CRYBG1: variants seen among roughly 807,000 people sequenced by gnomAD.
The protein encoded by CRYBG1 is crystallin beta-gamma domain containing 1, also known as beta/gamma crystallin domain-containing protein 1.
In CRYBG1, 139 loss-of-function variants were observed where a neutral mutation model predicts 189.2. The observed-to-expected ratio is 0.73, with a 90% CI of 0.64 to 0.85. CRYBG1 has a LOEUF of 0.85. CRYBG1 is among the 40% of genes least tolerant of loss of function. The pLI, the probability that CRYBG1 is intolerant of heterozygous loss-of-function variation, is 0.00. For missense variants in CRYBG1, 2,611 were observed against 2,675.8 expected (o/e 0.98, Z 0.53); for synonymous variants, 1,023 against 1,017.1 (o/e 1.01, Z -0.11).
At chr6:106,466,626 A>G (rs1272904854) in intron 2 of CRYBG1, among the ~76,000 whole-genome samples, 1 of 152,360 alleles carries the variant, frequency 6.6e-6, no homozygotes, top group South Asian at 2.1e-4. Context: ...AACTAATTTT[A>G]TTTATGAATA....
At chr6:106,380,932 C>T (rs1040302322) in intron 1 of CRYBG1, among the ~76,000 whole-genome samples, 1 of 152,136 alleles carries the variant, frequency 6.6e-6, no homozygotes, top group African/African-American at 2.4e-5. Flanking sequence ...ATGTTTCAAA[C>T]TCCTTCTGAG....
intron 2 of CRYBG1, among the ~76,000 whole-genome samples, chr6:106,470,474 G>A (rs1562315881): frequency 6.6e-6 from 1 of 152,130 alleles, no homozygotes; most frequent in East Asian, 1.9e-4. Flanking sequence ...TTGGGAGGCT[G>A]AGGCAGGGAA....
intron 1 of CRYBG1, among the ~76,000 whole-genome samples, chr6:106,380,491 G>C (rs1208152998): frequency 6.6e-6 from 1 of 152,158 alleles, no homozygotes; most frequent in African/African-American, 2.4e-5. Context: ...AGAGAGGAGA[G>C]TGTGATTAGG....
intron 3 of CRYBG1, among the ~76,000 whole-genome samples, chr6:106,515,889 G>A (rs1280005433): frequency 6.6e-6 from 1 of 150,652 alleles, no homozygotes; most frequent in Non-Finnish European, 1.5e-5. Flanking sequence ...ACCTCCCCCG[G>A]CTCAGGTGAT....
chr6:106,368,675 G>T (rs1769955289), intron 1 of CRYBG1, among the ~76,000 whole-genome samples: 1 of 152,126 alleles, frequency 6.6e-6, no homozygotes, highest in Non-Finnish European at 1.5e-5. Flanking sequence ...CTTGCTTAGT[G>T]CTGCCTTTAC....
Position 106,570,758 on chromosome 6 carries a change from T to G in CRYBG1, c.*2192T>G, listed in dbSNP as rs1182914510. On this transcript the variant is annotated 3_prime_UTR_variant, in exon 22 of 22. Coordinates refer to ENST00000633556, the MANE Select transcript of CRYBG1 (RefSeq NM_001371242.2). ...GGTATTTACACCTGGAAAATCAGATTTTTTTTTCTTTTGCAATAACTCGGT... is the reference window on the plus strand; with the variant it reads ...GGTATTTACACCTGGAAAATCAGATGTTTTTTTCTTTTGCAATAACTCGGT... The G allele has an allele frequency of 6.6e-6, 1 of 152,062 alleles. No individual in the cohort carries two copies. Among genetic ancestry groups the G allele is most frequent in the Non-Finnish European group, 1.5e-5 (1 of 68,004 alleles). The allele number at this position is 152,062 out of a possible 1,614,324, so 9.4% of individuals were successfully genotyped here.
rs145274527 is a variant in CRYBG1, at chr6:106,469,042, C to T, written c.312+17210C>T. On this transcript the variant is annotated intron_variant, in intron 2 of 21. Coordinates refer to ENST00000633556, the MANE Select transcript of CRYBG1 (RefSeq NM_001371242.2). ...TTCCATTTCTCTGTGGTTTTACAGG[C>T]CCTGCGTGGCCTGGCTCCTGCCCCT... Among the ~76,000 whole-genome samples the T allele has an allele frequency of 7.5e-4, 114 of 152,332 alleles. 1 individual carries two copies. Among genetic ancestry groups the T allele is most frequent in the African/African-American group, 2.6e-3 (108 of 41,566 alleles).
intron 13 of CRYBG1, among the ~76,000 whole-genome samples, chr6:106,547,900 T>C (rs1287201669): frequency 6.6e-6 from 1 of 152,248 alleles, no homozygotes; most frequent in African/African-American, 2.4e-5. Context: ...TCTAGTTCTA[T>C]GCTATATTCT....
chr6:106,504,894 T>A (rs1420951424), intron 2 of CRYBG1, among the ~76,000 whole-genome samples: 1 of 151,624 alleles, frequency 6.6e-6, no homozygotes, highest in African/African-American at 2.4e-5. Context: ...CATGGGAAAA[T>A]ACAATTTTAA....
intron 1 of CRYBG1, among the ~76,000 whole-genome samples, chr6:106,365,194 G>A (rs1771960633): frequency 6.6e-6 from 1 of 152,046 alleles, no homozygotes; most frequent in Non-Finnish European, 1.5e-5. Flanking sequence ...TTTAGGAGGT[G>A]GAGGCGGGTG....
chr6:106,533,763 G>A (rs35233644), intron 8 of CRYBG1, among the ~76,000 whole-genome samples: 17,666 of 152,184 alleles, frequency 0.12, 1,123 homozygotes, highest in Non-Finnish European at 0.15. Flanking sequence ...GTGAGATTCA[G>A]GAGCTCAGTT....
intron 2 of CRYBG1, among the ~76,000 whole-genome samples, chr6:106,469,184 T>C (rs894416168): frequency 2.6e-5 from 4 of 152,222 alleles, no homozygotes; most frequent in Non-Finnish European, 5.9e-5. Context: ...TATTACCTAT[T>C]GGCTCTGCCT....
At chr6:106,550,040 T>C (rs1774361017) in intron 13 of CRYBG1, among the ~76,000 whole-genome samples, 1 of 152,170 alleles carries the variant, frequency 6.6e-6, no homozygotes, top group Non-Finnish European at 1.5e-5. Flanking sequence ...CAATAGTCGA[T>C]TGTGTCACCC....
At chr6:106,382,303 A>T (rs1361519962) in intron 1 of CRYBG1, among the ~76,000 whole-genome samples, 3 of 152,220 alleles carry the variant, frequency 2.0e-5, no homozygotes, top group African/African-American at 7.2e-5. Context: ...TACACGGGGA[A>T]TCTGATTTAT....
chr6:106,491,425 T>G (rs892247682), intron 2 of CRYBG1, among the ~76,000 whole-genome samples: 1 of 152,190 alleles, frequency 6.6e-6, no homozygotes, highest in African/African-American at 2.4e-5. Flanking sequence ...AGGGCTGAGA[T>G]AGAGCATAGA....
In CRYBG1 at chr6:106,512,350, G is replaced by A; in HGVS notation, c.1233G>A (p.Lys411=). Residue 411 remains lysine, a synonymous_variant, in exon 3 of 22, where the codon AAG becomes AAA. Coordinates refer to ENST00000633556, the MANE Select transcript of CRYBG1 (RefSeq NM_001371242.2). ...EDCGDWDDME[K]RSSGRRSGRR... ...GCGGTGACTGGGACGACATGGAGAA[G>A]AGGTCCAGCGGCCGTAGGTCGGGGA... 2 of 1,611,348 alleles carry A rather than the reference G, an allele frequency of 1.2e-6. No homozygotes were observed. The highest frequency in any genetic ancestry group is 1.1e-5 in the South Asian group (1 of 90,646).
intron 1 of CRYBG1, among the ~76,000 whole-genome samples, chr6:106,365,181 C>A (rs1488759716): frequency 6.6e-6 from 1 of 152,114 alleles, no homozygotes; most frequent in African/African-American, 2.4e-5. Flanking sequence ...GTAATCCCAG[C>A]ACTTTAGGAG....
At position 106,387,876 on chromosome 6, in the gene CRYBG1, T is replaced by C. The variant is rs558351358; in HGVS notation, c.173+26795T>C. Among the ~76,000 whole-genome samples, 3 of 152,334 alleles carry C rather than the reference T, an allele frequency of 2.0e-5. No individual in the cohort carries two copies. In the South Asian group the frequency reaches 6.2e-4, roughly 32 times the overall value. ...TCCTATGTATTATCATCCATGAACG[T>C]CACTCGTGAATTCTCAGGTGCTCTA... is the stretch of plus-strand genomic sequence containing the variant. On this transcript the variant is annotated intron_variant, in intron 1 of 21. Transcript: ENST00000633556.
At chr6:106,464,239 C>A (rs371400363) in intron 2 of CRYBG1, among the ~76,000 whole-genome samples, 16 of 152,226 alleles carry the variant, frequency 1.1e-4, no homozygotes, top group South Asian at 8.3e-4. Context: ...TCACACCTGT[C>A]ATCCCAGCAC....
Sources: gnomAD v4.1 joint callset for allele counts (sites outside exome capture counted in the v4.1 genomes callset) on GRCh38, gnomAD v4.1.1 for gene constraint, MANE v1.5 for transcripts, NCBI Gene and HGNC (gene_info 2026-07-23, HGNC 2026-07-21) for gene names.